MTMR8: variants seen among roughly 807,000 people sequenced by gnomAD.
MTMR8 encodes myotubularin related protein 8, also known as phosphatidylinositol-3,5-bisphosphate 3-phosphatase MTMR8.
MTMR8 carries 65 observed loss-of-function variants against 39.3 expected under a neutral mutation model. That is an observed-to-expected ratio of 1.65 (90% CI 1.35 to 2.03). The LOEUF is 2.03. MTMR8 is among the 30% of genes most tolerant of loss of function. The pLI, the probability that MTMR8 is intolerant of heterozygous loss-of-function variation, is 0.00. For synonymous variants in MTMR8, 245 were observed against 185.2 expected (o/e 1.32, Z -2.62); for missense variants, 777 against 538.9 (o/e 1.44, Z -4.37).
At chrX:64,366,149 T>C (rs1159119806) in intron 1 of MTMR8, among the ~76,000 whole-genome samples, 1 of 111,092 alleles carries the variant, frequency 9.0e-6, no homozygotes, top group Non-Finnish European at 1.9e-5. Context: ...TCGCACACAA[T>C]AATGATGGGA....
At chrX:64,311,935 C>T (rs946003539) in intron 12 of MTMR8, among the ~76,000 whole-genome samples, 1 of 110,785 alleles carries the variant, frequency 9.0e-6, no homozygotes, top group East Asian at 2.8e-4. Flanking sequence ...AGTCAGGTAG[C>T]GTGATGCCTC....
At chrX:64,386,538 G>A (rs1172729143) in intron 1 of MTMR8, among the ~76,000 whole-genome samples, 1 of 111,620 alleles carries the variant, frequency 9.0e-6, no homozygotes, top group East Asian at 2.8e-4. Flanking sequence ...GGAATCTTCA[G>A]GCACAGAATA....
At chrX:64,365,630 C>A (rs187680621) in intron 1 of MTMR8, among the ~76,000 whole-genome samples, 2 of 111,794 alleles carry the variant, frequency 1.8e-5, no homozygotes, top group African/African-American at 3.2e-5. Context: ...TGGAAAGGAA[C>A]AACCATTACC....
intron 10 of MTMR8, among the ~76,000 whole-genome samples, chrX:64,332,663 C>T (rs1922973997): frequency 9.0e-6 from 1 of 111,661 alleles, no homozygotes; most frequent in African/African-American, 3.3e-5. Flanking sequence ...ATCTCTGTGT[C>T]ACTTCCCTAC....
intron 1 of MTMR8, among the ~76,000 whole-genome samples, chrX:64,386,006 T>A (rs1301140635): frequency 3.6e-5 from 4 of 109,622 alleles, no homozygotes; most frequent in African/African-American, 1.3e-4. Flanking sequence ...AACATACAGA[T>A]CCCCAAACGG....
chrX:64,300,484 T>A (rs1434141679), intron 12 of MTMR8, among the ~76,000 whole-genome samples: 1 of 110,382 alleles, frequency 9.1e-6, no homozygotes, highest in Non-Finnish European at 1.9e-5. Flanking sequence ...GCACATGAGA[T>A]GGGTTTCCTG....
At chrX:64,306,009 G>A (rs1033621125) in intron 12 of MTMR8, 5 of 188,066 alleles carry the variant, frequency 2.7e-5, no homozygotes, top group Non-Finnish European at 4.0e-5. Context: ...CCAGCTACTC[G>A]GGAGGCTAAG....
At chrX:64,332,312 C>G (rs1009079941) in intron 10 of MTMR8, among the ~76,000 whole-genome samples, 1 of 111,516 alleles carries the variant, frequency 9.0e-6, no homozygotes, top group Non-Finnish European at 1.9e-5. Flanking sequence ...GTTTTCTTTA[C>G]CAACCCTATC....
chrX:64,280,108 C>T (rs777894683), intron 12 of MTMR8, among the ~76,000 whole-genome samples: 3 of 112,007 alleles, frequency 2.7e-5, no homozygotes, highest in Non-Finnish European at 5.6e-5. Flanking sequence ...CAGCCAAATT[C>T]TGCTAGAGGT....
intron 12 of MTMR8, among the ~76,000 whole-genome samples, chrX:64,280,651 C>T (rs1239072019): frequency 2.7e-5 from 3 of 111,225 alleles, no homozygotes; most frequent in African/African-American, 9.8e-5. Context: ...ACAAGGATGC[C>T]CTCTCTCACT....
intron 12 of MTMR8, among the ~76,000 whole-genome samples, chrX:64,287,769 A>G (rs1050700738): frequency 2.8e-4 from 30 of 107,906 alleles, no homozygotes; most frequent in African/African-American, 8.4e-4. Context: ...CCATATGTAG[A>G]AAGCTGAAAC....
At chrX:64,335,262 G>T (rs905864246) in intron 10 of MTMR8, among the ~76,000 whole-genome samples, 1 of 110,573 alleles carries the variant, frequency 9.0e-6, no homozygotes, top group African/African-American at 3.3e-5. Context: ...CTCCCAAGGA[G>T]TCAGGATTAT....
intron 12 of MTMR8, among the ~76,000 whole-genome samples, chrX:64,279,430 G>T (rs950064315): frequency 1.8e-5 from 2 of 111,907 alleles, no homozygotes; most frequent in African/African-American, 6.5e-5. Context: ...AAGCATGCAG[G>T]TAAGAGGCTT....
chrX:64,300,172 C>T (rs1921801473), intron 12 of MTMR8, among the ~76,000 whole-genome samples: 1 of 106,974 alleles, frequency 9.3e-6, no homozygotes, highest in Admixed American at 1.0e-4. Context: ...CTAATGTTGA[C>T]AGTGGGGTGT....
At chrX:64,332,755 G>A (rs543045520) in intron 10 of MTMR8, among the ~76,000 whole-genome samples, 5 of 111,493 alleles carry the variant, frequency 4.5e-5, no homozygotes, top group Admixed American at 9.6e-5. Context: ...CTTAACTAAC[G>A]CAAATCAAAT....
At chrX:64,340,141 T>C in intron 8 of MTMR8, among the ~76,000 whole-genome samples, 1 of 110,565 alleles carries the variant, frequency 9.0e-6, no homozygotes, top group Non-Finnish European at 1.9e-5. Context: ...AGAGACAAGG[T>C]GGAATGGATG....
chrX:64,345,037 C>G lies in MTMR8; in HGVS notation c.865+8G>C. The G allele has an allele frequency of 8.3e-7, 1 of 1,208,958 alleles. No individual in the cohort carries two copies. Among genetic ancestry groups the G allele is most frequent in the Non-Finnish European group, 1.1e-6 (1 of 894,106 alleles). On this transcript the variant is annotated splice_region_variant and intron_variant, in intron 7 of 13. Coordinates refer to ENST00000374852, the MANE Select transcript of MTMR8 (RefSeq NM_017677.4). ...GCCGCTTGCCTAGCCAAGGTGAAAT[C>G]CCTGTACCTTCCAAGAGTTTCTGCA...
intron 1 of MTMR8, among the ~76,000 whole-genome samples, chrX:64,391,737 C>G (rs780453413): frequency 1.8e-5 from 2 of 111,900 alleles, no homozygotes; most frequent in African/African-American, 3.2e-5. Flanking sequence ...TTATAACAAC[C>G]CTGTGAGATA....
chrX:64,387,755 G>C (rs1466198298), intron 1 of MTMR8, among the ~76,000 whole-genome samples: 1 of 107,427 alleles, frequency 9.3e-6, no homozygotes, highest in African/African-American at 3.4e-5. Flanking sequence ...GGGAGAGAAA[G>C]GGATGCAAGA....
Sources: allele counts gnomAD v4.1 joint callset (sites outside exome capture counted in the v4.1 genomes callset), GRCh38; gene constraint gnomAD v4.1.1; transcripts MANE v1.5; gene names NCBI Gene and HGNC (gene_info 2026-07-23, HGNC 2026-07-21).